OR4M1: variants seen among roughly 807,000 people sequenced by gnomAD.
The protein encoded by OR4M1 is olfactory receptor family 4 subfamily M member 1, also known as olfactory receptor 4M1.
A neutral mutation model predicts 9.8 loss-of-function variants in OR4M1; 7 were observed. The observed-to-expected ratio is 0.71, with a 90% CI of 0.41 to 1.34. The LOEUF is 1.34. Among genes scored for constraint, OR4M1 ranks in the 40% most tolerant of loss-of-function variants. OR4M1 has a pLI of 0.01. For synonymous variants in OR4M1, 121 were observed against 139.8 expected, an observed-to-expected ratio of 0.87 and a Z score of 0.95; for missense variants, 331 against 380.4, an observed-to-expected ratio of 0.87 and a Z score of 1.08.
intron 1 of OR4M1, among the ~76,000 whole-genome samples, chr14:19,774,457 A>G (rs1184351248): frequency 6.6e-6 from 1 of 152,224 alleles, no homozygotes; most frequent in Admixed American, 6.5e-5. Flanking sequence ...TAGATATATA[A>G]ATGAGACATA....
At position 19,781,314 on chromosome 14, in the gene OR4M1, C is replaced by G; in HGVS notation, c.*50C>G. The G allele has an allele frequency of 6.9e-7, 1 of 1,440,784 alleles. No homozygotes were observed. 89.2% of individuals were successfully genotyped at this position (1,440,784 alleles called of 1,614,324 possible). ...CCTCCTGAGGATCATTGTCCTAAAG[C>G]AGGAAGTATTTGCAGTAATAATGCT... On this transcript the variant is annotated 3_prime_UTR_variant, in exon 2 of 2. Transcript: ENST00000641200.
At position 19,781,339 on chromosome 14, in the gene OR4M1, T is replaced by C; in HGVS notation, c.*75T>C. On this transcript the variant is annotated 3_prime_UTR_variant, in exon 2 of 2. Coordinates refer to ENST00000641200, the MANE Select transcript of OR4M1 (RefSeq NM_001005500.2). The stretch of plus-strand genomic sequence containing the variant: ...CAGGAAGTATTTGCAGTAATAATGC[T>C]GCATTCACTTCCTCCGTTCATTTGT... The C allele has an allele frequency of 1.6e-6, 2 of 1,238,208 alleles. No individual in the cohort carries two copies. The highest frequency in any genetic ancestry group is 1.1e-6 in the Non-Finnish European group (1 of 893,018). 76.7% of individuals were successfully genotyped at this position (1,238,208 alleles called of 1,614,324 possible).
chr14:19,776,641 C>G (rs933760953), intron 1 of OR4M1, among the ~76,000 whole-genome samples: 19 of 152,124 alleles, frequency 1.2e-4, no homozygotes, highest in African/African-American at 4.6e-4. Context: ...AAAAAATGCC[C>G]TAAGTCAATC....
Position 19,782,879 on chromosome 14 carries a change from AATG to A in OR4M1, c.*1620_*1622del, listed in dbSNP as rs1021451984. ...AAGATATATATATATAATATGATAA[AATG>A]ATGAGTTATGTTTCTAAATCTTTTA... On this transcript the variant is annotated 3_prime_UTR_variant, in exon 2 of 2. Transcript: ENST00000641200. 6.6e-6 allele frequency: 1 copy of A among 152,184 alleles called. No individual in the cohort carries two copies. Among genetic ancestry groups the A allele is most frequent in the African/African-American group, 2.4e-5 (1 of 41,466 alleles). The allele number at this position is 152,184 out of a possible 1,614,324, so 9.4% of individuals were successfully genotyped here.
At chr14:19,775,951 A>G (rs980030990) in intron 1 of OR4M1, among the ~76,000 whole-genome samples, 14 of 151,982 alleles carry the variant, frequency 9.2e-5, no homozygotes, top group Non-Finnish European at 1.6e-4. Flanking sequence ...CAGAAAATCA[A>G]TGTAATAACT....
Position 19,781,596 on chromosome 14 carries a change from A to G in OR4M1, c.*332A>G, listed in dbSNP as rs1878501633. ...GAGGGGAACATGTTGATAAAAATAAATAAGACATGGAGACGTGTCCATTAC... is the reference window on the plus strand; with the variant it reads ...GAGGGGAACATGTTGATAAAAATAAGTAAGACATGGAGACGTGTCCATTAC... On this transcript the variant is annotated 3_prime_UTR_variant, in exon 2 of 2. Coordinates refer to ENST00000641200, the MANE Select transcript of OR4M1 (RefSeq NM_001005500.2). 3.7e-6 allele frequency: 1 copy of G among 270,290 alleles called. No homozygotes were observed. Among genetic ancestry groups the G allele is most frequent in the South Asian group, 7.1e-5 (1 of 14,182 alleles). 16.7% of individuals were successfully genotyped at this position (270,290 alleles called of 1,614,324 possible). A position where few individuals can be genotyped will look rare whatever the true frequency, so the allele number is the denominator to read the frequency against.
Position 19,781,200 on chromosome 14 carries a change from A to G in OR4M1, c.878A>G (p.Asn293Ser). The change falls in exon 2 of 2, where the codon AAC (asparagine) becomes AGC (serine). Residue 293 changes from asparagine to serine, a missense_variant. Physicochemically the swap from Asn to Ser is conservative, Grantham distance 46. Around this residue, in one of 2 missense-constraint regions of OR4M1, gnomAD observed 122 missense variants for 180.5 expected, o/e 0.68. Coordinates refer to ENST00000641200, the MANE Select transcript of OR4M1 (RefSeq NM_001005500.2). ...AATCCCATTATTTACACATTGAGAAACAAGGAAGTAAAGGCAGCCATGAGG... is the reference window on the plus strand; with the variant it reads ...AATCCCATTATTTACACATTGAGAAGCAAGGAAGTAAAGGCAGCCATGAGG... The part of the protein sequence containing the change: ...LLNPIIYTLR[N>S]KEVKAAMRKV... 1 of 1,614,144 alleles carries G rather than the reference A, an allele frequency of 6.2e-7. No homozygotes were observed. The highest frequency in any genetic ancestry group is 1.6e-4 in the Middle Eastern group (1 of 6,062).
rs1450868114 is a variant in OR4M1 at position 19,783,108 on chromosome 14, A to G, written c.*1844A>G. 6.6e-6 allele frequency: 1 copy of G among 152,310 alleles called. No individual in the cohort carries two copies. The highest frequency in any genetic ancestry group is 1.5e-5 in the Non-Finnish European group (1 of 68,064). The allele number at this position is 152,310 out of a possible 1,614,324, so 9.4% of individuals were successfully genotyped here. A position where few individuals can be genotyped will look rare whatever the true frequency, so the allele number is the denominator to read the frequency against. On this transcript the variant is annotated 3_prime_UTR_variant, in exon 2 of 2. Transcript: ENST00000641200. ...GTAATACAAAGGAAAAAGGCATAAA[A>G]ACAGTAGTGTGATAACTAATTGCTT...
At chr14:19,775,701 T>C (rs1255516112) in intron 1 of OR4M1, among the ~76,000 whole-genome samples, 83 of 143,750 alleles carry the variant, frequency 5.8e-4, no homozygotes, top group African/African-American at 2.0e-3. Context: ...ATATTAGTTG[T>C]ATATAAAATA....
At chr14:19,773,768 A>G (rs1227736710) in intron 1 of OR4M1, among the ~76,000 whole-genome samples, 175 bp downstream of exon 1, 6 of 151,952 alleles carry the variant, frequency 3.9e-5, no homozygotes, top group Non-Finnish European at 1.5e-5. Context: ...AGCAGGTCAT[A>G]GCTGTAGAGT....
Position 19,782,220 on chromosome 14 carries a change from G to A in OR4M1, c.*956G>A, listed in dbSNP as rs1441934769. 1.3e-5 allele frequency: 2 copies of A among 152,254 alleles called. No individual in the cohort carries two copies. Among genetic ancestry groups the A allele is most frequent in the African/African-American group, 4.8e-5 (2 of 41,466 alleles). The allele number at this position is 152,254 out of a possible 1,614,324, so 9.4% of individuals were successfully genotyped here. ...GAGTTATTTCCCATTGAGAGACCTG[G>A]ATGTGTTGGTTCCCATGATCCCTTA... On this transcript the variant is annotated 3_prime_UTR_variant, in exon 2 of 2. Coordinates refer to ENST00000641200, the MANE Select transcript of OR4M1 (RefSeq NM_001005500.2).
At position 19,780,816 on chromosome 14, in the gene OR4M1, G is replaced by A. The variant is rs569092650; in HGVS notation, c.494G>A (p.Arg165Gln). Residue 165 changes from arginine (R) to glutamine (Q), a missense_variant, in exon 2 of 2, where the codon CGA becomes CAA. Transcript: ENST00000641200. ...ATAATACAGGTGGCTCTCATTGTTCGACTTCCTTTCTGTGGGCCCAATGAG... is the reference window on the plus strand; with the variant it reads ...ATAATACAGGTGGCTCTCATTGTTCAACTTCCTTTCTGTGGGCCCAATGAG... ...HSIIQVALIVRLPFCGPNELD... is the reference protein window; with the variant it reads ...HSIIQVALIVQLPFCGPNELD... The A allele has an allele frequency of 1.3e-5, 21 of 1,614,160 alleles. No homozygotes were observed. Among genetic ancestry groups the A allele is most frequent in the East Asian group, 1.1e-4 (5 of 44,886 alleles).
chr14:19,780,056 T>C (rs1878421278), intron 1 of OR4M1, among the ~76,000 whole-genome samples: 1 of 152,264 alleles, frequency 6.6e-6, no homozygotes, highest in South Asian at 2.1e-4. Flanking sequence ...ATTTTTAACA[T>C]TAACAAGCCG....
intron 1 of OR4M1, among the ~76,000 whole-genome samples, chr14:19,775,163 C>T (rs1475829349): frequency 2.6e-5 from 4 of 152,228 alleles, no homozygotes; most frequent in Non-Finnish European, 4.4e-5. Flanking sequence ...GTGGTTTTAA[C>T]ACGGCAATTA....
chr14:19,780,236 T>C (rs982656643), intron 1 of OR4M1, 58 bp from the exon 2 acceptor site: 144 of 1,366,428 alleles, frequency 1.1e-4, no homozygotes, highest in South Asian at 8.9e-4. Flanking sequence ...TTGAAAGCAG[T>C]GATATAACTC....
At chr14:19,774,603 T>C (rs1878255886) in intron 1 of OR4M1, among the ~76,000 whole-genome samples, 1 of 152,236 alleles carries the variant, frequency 6.6e-6, no homozygotes, top group Middle Eastern at 3.2e-3. Context: ...AAATGTGACA[T>C]TTTTATGGAA....
Position 19,780,596 on chromosome 14 carries a change from A to G in OR4M1, c.274A>G (p.Ile92Val). The change falls in exon 2 of 2, where the codon ATT becomes GTT. Residue 92 changes from isoleucine (I) to valine (V), a missense_variant. Physicochemically the swap from Ile to Val is conservative, Grantham distance 29 (BLOSUM62 3). Coordinates refer to ENST00000641200, the MANE Select transcript of OR4M1 (RefSeq NM_001005500.2). ...LIDFFVERKI[I>V]SFGGCIAQLF... Reference sequence around the variant, plus strand: ...AGACTTCTTTGTGGAGAGGAAGATAATTTCCTTTGGTGGATGCATTGCACA... The same window carrying G: ...AGACTTCTTTGTGGAGAGGAAGATAGTTTCCTTTGGTGGATGCATTGCACA... 1 of 1,614,164 alleles carries G rather than the reference A, an allele frequency of 6.2e-7. No individual in the cohort carries two copies. The highest frequency in any genetic ancestry group is 8.5e-7 in the Non-Finnish European group (1 of 1,180,018).
chr14:19,774,893 C>T (rs1431186853), intron 1 of OR4M1, among the ~76,000 whole-genome samples: 5 of 152,170 alleles, frequency 3.3e-5, no homozygotes, highest in African/African-American at 1.2e-4. Context: ...AATGAAGGCA[C>T]TGAGAAATAA....
At chr14:19,775,214 T>G (rs1286277693) in intron 1 of OR4M1, among the ~76,000 whole-genome samples, 1 of 152,260 alleles carries the variant, frequency 6.6e-6, no homozygotes, top group African/African-American at 2.4e-5. Flanking sequence ...TATATGCTAC[T>G]CATGAAGGGG....
Sources: gnomAD v4.1 joint callset for allele counts (sites outside exome capture counted in the v4.1 genomes callset) on GRCh38, gnomAD v4.1.1 for gene constraint, gnomAD v4.1.1 regional missense constraint, MANE v1.5 for transcripts, NCBI Gene and HGNC (gene_info 2026-07-23, HGNC 2026-07-21) for gene names.